Variants in RBFOX1 observed in about 807,000 individuals in gnomAD.
The protein encoded by RBFOX1 is RNA binding fox-1 homolog 1, also known as RNA binding protein fox-1 homolog 1.
In RBFOX1, 8 loss-of-function variants were observed where a neutral mutation model predicts 57.7. That is an observed-to-expected ratio of 0.14 (90% CI 0.08 to 0.25). RBFOX1 has a LOEUF of 0.25. Among genes scored for constraint, RBFOX1 ranks in the 10% least tolerant of loss-of-function variants. The pLI is 1.00. For missense variants in RBFOX1, 611 were observed against 548.5 expected (o/e 1.11, Z -1.14); for synonymous variants, 326 against 222.4 (o/e 1.47, Z -4.15).
chr16:6,063,839 T>C (rs768474939), intron 1 of RBFOX1, among the ~76,000 whole-genome samples: 4 of 152,136 alleles, frequency 2.6e-5, no homozygotes, highest in Non-Finnish European at 4.4e-5. Flanking sequence ...CTTGACAGCC[T>C]CCTTGTCCTT....
intron 3 of RBFOX1, among the ~76,000 whole-genome samples, chr16:6,693,406 C>G (rs1040575501): frequency 1.3e-5 from 2 of 151,896 alleles, no homozygotes; most frequent in African/African-American, 4.8e-5. Context: ...TCCCCATCCA[C>G]TACCATCACC....
At chr16:6,839,864 G>T (rs991350749) in intron 3 of RBFOX1, among the ~76,000 whole-genome samples, 9 of 152,204 alleles carry the variant, frequency 5.9e-5, no homozygotes, top group Admixed American at 2.6e-4. Flanking sequence ...GATATTTGGG[G>T]TATCTTTTCC....
At chr16:6,508,092 C>G (rs2096154659) in intron 2 of RBFOX1, among the ~76,000 whole-genome samples, 1 of 152,144 alleles carries the variant, frequency 6.6e-6, no homozygotes, top group South Asian at 2.1e-4. Flanking sequence ...AGGTCATTAT[C>G]CTTAGCAAAC....
chr16:6,412,827 G>A (rs542889460), intron 2 of RBFOX1, among the ~76,000 whole-genome samples: 11 of 152,296 alleles, frequency 7.2e-5, no homozygotes, highest in African/African-American at 2.4e-4. Flanking sequence ...TTACACATCA[G>A]TCTTTCTGCT....
At chr16:5,997,282 T>G (rs1211265379) in intron 4 of RBFOX1, among the ~76,000 whole-genome samples, 1 of 152,208 alleles carries the variant, frequency 6.6e-6, no homozygotes, top group Non-Finnish European at 1.5e-5. Flanking sequence ...ACCTCTACAG[T>G]TAAGGAGAAG....
chr16:6,870,032 C>G (rs545696044), intron 3 of RBFOX1, among the ~76,000 whole-genome samples: 3 of 152,262 alleles, frequency 2.0e-5, no homozygotes, highest in South Asian at 2.1e-4. Flanking sequence ...ATATCTATCT[C>G]TCAGCTGGCC....
At chr16:5,856,187 C>CTCTCTCTCTATATATATA (rs1430331422) in intron 3 of RBFOX1, among the ~76,000 whole-genome samples, 1 of 31,064 alleles carries the variant, frequency 3.2e-5, no homozygotes, top group African/African-American at 1.4e-4. Context: ...CTCTCTCTCT[C>CTCTCTCTCTATATATATA]TATATATATA....
intron 2 of RBFOX1, among the ~76,000 whole-genome samples, chr16:6,366,703 G>A (rs2089678963): frequency 6.6e-6 from 1 of 152,210 alleles, no homozygotes; most frequent in Non-Finnish European, 1.5e-5. Flanking sequence ...GTAGATGCTA[G>A]TATTATCCCA....
chr16:5,598,924 C>A, exon 3 of RBFOX1: 1 of 1,527,506 alleles, frequency 6.5e-7, no homozygotes, highest in South Asian at 1.2e-5. Context: ...GAAAATTCAA[C>A]CCTCCTCCCC....
At chr16:7,507,850 A>G (rs189262364) in intron 4 of RBFOX1, among the ~76,000 whole-genome samples, 145 of 152,122 alleles carry the variant, frequency 9.5e-4, no homozygotes, top group African/African-American at 3.3e-3. Flanking sequence ...GGCATGAGCC[A>G]CGGCGCCCGG....
intron 3 of RBFOX1, among the ~76,000 whole-genome samples, chr16:6,676,673 C>CTTTTTTTTTTTTTTTTTTTTTCTTTT (rs756578276): frequency 9.7e-6 from 1 of 103,550 alleles, no homozygotes; most frequent in Non-Finnish European, 1.9e-5. Flanking sequence ...TTTTTCTTTT[C>CTTTTTTTTTTTTTTTTTTTTTCTTTT]TTTTTTTTTT....
At chr16:6,226,849 C>T (rs1293932652) in intron 1 of RBFOX1, among the ~76,000 whole-genome samples, 4 of 151,740 alleles carry the variant, frequency 2.6e-5, no homozygotes, top group Admixed American at 6.6e-5. Context: ...GTGCCACACA[C>T]CTGTAATCTC....
chr16:6,122,149 G>A (rs964280025), intron 1 of RBFOX1, among the ~76,000 whole-genome samples: 10 of 152,162 alleles, frequency 6.6e-5, no homozygotes, highest in Middle Eastern at 3.4e-3. Flanking sequence ...CAGATGATCC[G>A]CCCACCTTGG....
chr16:5,782,654 G>A lies in RBFOX1; in HGVS notation c.319-84649G>A, dbSNP rs111358962. ...AATGGGAGATACTGAATGTGTGAGA[G>A]TGTGGGTATGTGTATGCATGCATGT... On this transcript the variant is annotated intron_variant, in intron 3 of 19. Coordinates refer to the RBFOX1 transcript ENST00000641259. Among the ~76,000 whole-genome samples, 637 of 152,326 alleles carry A rather than the reference G, an allele frequency of 4.2e-3. 1 individual carries two copies. The highest frequency in any genetic ancestry group is 0.015 in the African/African-American group (607 of 41,572).
At chr16:6,117,998 G>C (rs1447516339) in intron 1 of RBFOX1, among the ~76,000 whole-genome samples, 2 of 152,172 alleles carry the variant, frequency 1.3e-5, no homozygotes, top group African/African-American at 4.8e-5. Context: ...TGAAGTAGCA[G>C]CTGTAAATAA....
At chr16:5,486,001 C>G (rs1022396107) in intron 2 of RBFOX1, among the ~76,000 whole-genome samples, 1 of 152,202 alleles carries the variant, frequency 6.6e-6, no homozygotes, top group East Asian at 1.9e-4. Flanking sequence ...AGCTCATAGT[C>G]AGAATTCGGT....
chr16:5,561,362 C>T (rs922407498), intron 2 of RBFOX1, among the ~76,000 whole-genome samples: 47 of 152,032 alleles, frequency 3.1e-4, no homozygotes, highest in Admixed American at 2.7e-3. Flanking sequence ...AAAAGGGGAC[C>T]TATAGCTTCA....
chr16:5,606,468 C>T (rs181001447), intron 3 of RBFOX1, among the ~76,000 whole-genome samples: 1 of 152,156 alleles, frequency 6.6e-6, no homozygotes, highest in Admixed American at 6.5e-5. Context: ...TCCCTTCCTT[C>T]CTCACCTTCT....
chr16:5,774,198 A>G (rs2054071652), intron 3 of RBFOX1, among the ~76,000 whole-genome samples: 1 of 152,200 alleles, frequency 6.6e-6, no homozygotes, highest in African/African-American at 2.4e-5. Context: ...GAAGCCCAGA[A>G]TGGGGGATTT....
Sources: allele counts gnomAD v4.1 joint callset (sites outside exome capture counted in the v4.1 genomes callset), GRCh38; gene constraint gnomAD v4.1.1; transcripts MANE v1.5; gene names NCBI Gene and HGNC (gene_info 2026-07-23, HGNC 2026-07-21).